The following FIRRM variants were observed in gnomAD, a reference collection of about 807,000 sequenced individuals.
The protein encoded by FIRRM is FIGNL1 interacting regulator of recombination and mitosis.
the FIRRM span, among the ~76,000 whole-genome samples, chr1:169,797,483 T>A: frequency 1.3e-5 from 2 of 152,220 alleles, no homozygotes; most frequent in Non-Finnish European, 2.9e-5. Context: ...TTTTGATTGC[T>A]GCTGTAAAAA....
the FIRRM span, chr1:169,849,462 TTTC>T: frequency 2.0e-5 from 29 of 1,458,024 alleles, no homozygotes; most frequent in Middle Eastern, 5.4e-4. Context: ...TCTATTATGG[TTTC>T]TTTTCTCTAT....
chr1:169,829,151 C>T, the FIRRM span: 2 of 922,096 alleles, frequency 2.2e-6, no homozygotes, highest in East Asian at 2.8e-5. Flanking sequence ...GCTGATTATA[C>T]CTCTTGAAAC....
chr1:169,849,235 T>C, the FIRRM span, among the ~76,000 whole-genome samples: 1 of 152,334 alleles, frequency 6.6e-6, no homozygotes, highest in East Asian at 1.9e-4. Flanking sequence ...GCATGCCTCA[T>C]ATTCAGGGAA....
At chr1:169,832,376 A>C in the FIRRM span, 1 of 1,382,222 alleles carries the variant, frequency 7.2e-7, no homozygotes, top group South Asian at 1.2e-5. Context: ...TCTGATTCTA[A>C]ATTAGTCAGT....
the FIRRM span, chr1:169,850,411 CTG>C: frequency 4.6e-6 from 5 of 1,079,428 alleles, no homozygotes; most frequent in Non-Finnish European, 6.9e-6. Flanking sequence ...AATTATGTAA[CTG>C]TAACCAACCT....
the FIRRM span, chr1:169,802,789 C>G: frequency 2.2e-6 from 2 of 895,254 alleles, no homozygotes; most frequent in Non-Finnish European, 3.7e-6. Flanking sequence ...AATTTTTATA[C>G]TGATACTGAT....
At chr1:169,831,395 C>T in the FIRRM span, among the ~76,000 whole-genome samples, 4 of 151,824 alleles carry the variant, frequency 2.6e-5, no homozygotes, top group Admixed American at 2.6e-4. Context: ...CTTTTGTTTT[C>T]TAATAGTCTT....
At chr1:169,841,745 C>T in the FIRRM span, among the ~76,000 whole-genome samples, 70 of 151,998 alleles carry the variant, frequency 4.6e-4, no homozygotes, top group African/African-American at 1.5e-3. Context: ...TTGCTGGGTG[C>T]GTAATGTGAA....
chr1:169,846,993 G>C, the FIRRM span, among the ~76,000 whole-genome samples: 1 of 152,070 alleles, frequency 6.6e-6, no homozygotes, highest in East Asian at 1.9e-4. Flanking sequence ...GGCCATTTTA[G>C]GGTTAATTTT....
At chr1:169,827,300 T>G in the FIRRM span, 2 of 1,010,962 alleles carry the variant, frequency 2.0e-6, no homozygotes, top group Non-Finnish European at 2.9e-6. Context: ...AAATTTTTAT[T>G]AAGTTTCTTT....
At chr1:169,831,275 T>C in the FIRRM span, among the ~76,000 whole-genome samples, 1 of 152,350 alleles carries the variant, frequency 6.6e-6, no homozygotes, top group East Asian at 1.9e-4. Flanking sequence ...ACATTAACAT[T>C]TTTTGCTTTT....
At chr1:169,822,191 C>T in the FIRRM span, among the ~76,000 whole-genome samples, 1 of 152,122 alleles carries the variant, frequency 6.6e-6, no homozygotes, top group Non-Finnish European at 1.5e-5. Context: ...GAATACAAAC[C>T]CTGCAAGCTG....
the FIRRM span, chr1:169,804,123 C>T: frequency 6.3e-7 from 1 of 1,575,546 alleles, no homozygotes; most frequent in Non-Finnish European, 8.6e-7. Flanking sequence ...TTCAGACCTT[C>T]TCCAGGCTCT....
chr1:169,827,569 T>G, the FIRRM span: 1 of 863,914 alleles, frequency 1.2e-6, no homozygotes, highest in Non-Finnish European at 1.8e-6. Context: ...ACCCAGACGG[T>G]GGAGGTTGCA....
chr1:169,785,494 G>A, the FIRRM span, among the ~76,000 whole-genome samples: 1 of 152,264 alleles, frequency 6.6e-6, no homozygotes, highest in East Asian at 1.9e-4. Context: ...GATGGATGGG[G>A]AGCTGGAAGG....
chr1:169,818,835 A>G, the FIRRM span, among the ~76,000 whole-genome samples: 2 of 152,040 alleles, frequency 1.3e-5, no homozygotes, highest in Non-Finnish European at 2.9e-5. Context: ...TACAAGCATG[A>G]GCCACCACAC....
At chr1:169,853,289 A>ATAAT in the FIRRM span, 4 of 358,372 alleles carry the variant, frequency 1.1e-5, no homozygotes, top group African/African-American at 2.1e-5. Flanking sequence ...AATCATTTAT[A>ATAAT]TAATTTATAG....
At chr1:169,830,794 C>G in the FIRRM span, 1 of 1,481,404 alleles carries the variant, frequency 6.8e-7, no homozygotes, top group Non-Finnish European at 9.4e-7. Flanking sequence ...TATGCACTTC[C>G]TTTGGGGATA....
chr1:169,831,023 A>G, the FIRRM span, among the ~76,000 whole-genome samples: 1 of 152,354 alleles, frequency 6.6e-6, no homozygotes, highest in South Asian at 2.1e-4. Flanking sequence ...AATTACATTT[A>G]AAATTGAATG....
Sources: allele counts gnomAD v4.1 joint callset (sites outside exome capture counted in the v4.1 genomes callset), GRCh38; gene constraint gnomAD v4.1.1; transcripts MANE v1.5; gene names NCBI Gene and HGNC (gene_info 2026-07-23, HGNC 2026-07-21).